RNF130: variants seen among roughly 807,000 people sequenced by gnomAD.
RNF130 encodes the protein ring finger protein 130.
Under a neutral mutation model 44.6 loss-of-function variants are expected in RNF130, and 21 were observed. The ratio of observed to expected loss-of-function variants is 0.47; its 90% CI spans 0.33 to 0.68. The LOEUF is 0.68. Ranked by LOEUF, RNF130 falls within the 30% of genes least tolerant of loss-of-function variation. The probability of loss-of-function intolerance (pLI) is 0.02; values close to 1 mark genes in which losing one functional copy is unlikely to be tolerated. For synonymous variants in RNF130, 214 were observed against 210.4 expected (o/e 1.02, Z -0.15); for missense variants, 479 against 560.6 (o/e 0.85, Z 1.47).
At chr5:179,947,924 A>G (rs368574536) in intron 7 of RNF130, among the ~76,000 whole-genome samples, 1 of 152,178 alleles carries the variant, frequency 6.6e-6, no homozygotes, top group East Asian at 1.9e-4. Flanking sequence ...GTGTTTGTGT[A>G]GCTCAGCCCT....
chr5:179,992,322 T>C (rs954456357), intron 3 of RNF130, among the ~76,000 whole-genome samples: 1 of 152,120 alleles, frequency 6.6e-6, no homozygotes, highest in Non-Finnish European at 1.5e-5. Flanking sequence ...TTTGTATTTT[T>C]AGTAGAGACG....
At chr5:180,043,746 A>C (rs558561115) in intron 1 of RNF130, among the ~76,000 whole-genome samples, 1 of 152,256 alleles carries the variant, frequency 6.6e-6, no homozygotes, top group Non-Finnish European at 1.5e-5. Context: ...ATCAAAACAA[A>C]TCCAACAACG....
At chr5:179,949,260 CCAGA>C (rs1330686236) in intron 7 of RNF130, among the ~76,000 whole-genome samples, 3 of 151,706 alleles carry the variant, frequency 2.0e-5, no homozygotes, top group East Asian at 3.9e-4. Context: ...GCCACCGTGC[CCAGA>C]CAATTTTTTT....
At chr5:179,932,663 C>T (rs1049296976) in intron 7 of RNF130, among the ~76,000 whole-genome samples, 11 of 151,962 alleles carry the variant, frequency 7.2e-5, no homozygotes, top group Admixed American at 6.5e-4. Flanking sequence ...CATGGTGAAA[C>T]CCTGTCTCTA....
intron 1 of RNF130, among the ~76,000 whole-genome samples, chr5:180,067,559 T>C (rs555027810): frequency 2.9e-4 from 44 of 151,998 alleles, no homozygotes; most frequent in African/African-American, 1.0e-3. Flanking sequence ...TATAGGCTAA[T>C]GGAAATCATC....
exon 8 of RNF130, chr5:179,918,366 C>T (rs1325098321): frequency 6.6e-6 from 1 of 152,154 alleles, no homozygotes; most frequent in Non-Finnish European, 1.5e-5. Flanking sequence ...TGGAATTTAA[C>T]GTATACACAT....
chr5:179,958,172 C>T (rs201745904), intron 8 of RNF130, among the ~76,000 whole-genome samples: 3 of 152,190 alleles, frequency 2.0e-5, no homozygotes, highest in East Asian at 1.9e-4. Context: ...CCACCGCGCC[C>T]GGCCAAATTC....
At chr5:180,008,217 C>T (rs971170876) in intron 3 of RNF130, among the ~76,000 whole-genome samples, 10 of 152,088 alleles carry the variant, frequency 6.6e-5, no homozygotes, top group African/African-American at 2.4e-4. Context: ...AGCCCAACTC[C>T]GCTAGCCAAA....
intron 2 of RNF130, among the ~76,000 whole-genome samples, chr5:180,029,015 A>G (rs1205227894): frequency 6.6e-6 from 1 of 152,212 alleles, no homozygotes; most frequent in African/African-American, 2.4e-5. Flanking sequence ...TCTTTTAGGT[A>G]GACGAGGATG....
At chr5:180,016,453 G>A (rs1408569365) in intron 2 of RNF130, among the ~76,000 whole-genome samples, 1 of 152,226 alleles carries the variant, frequency 6.6e-6, no homozygotes, top group Non-Finnish European at 1.5e-5. Flanking sequence ...AAGCACATTT[G>A]GGACATGCCC....
chr5:179,960,285 A>G (rs1762297638), intron 8 of RNF130, among the ~76,000 whole-genome samples: 1 of 152,196 alleles, frequency 6.6e-6, no homozygotes, highest in Non-Finnish European at 1.5e-5. Flanking sequence ...TTTGACTACC[A>G]TCCTGTTTAT....
intron 1 of RNF130, among the ~76,000 whole-genome samples, chr5:180,065,947 A>G (rs1289631724): frequency 1.3e-5 from 2 of 152,244 alleles, no homozygotes; most frequent in African/African-American, 2.4e-5. Flanking sequence ...GAAAAGATAA[A>G]AATTTTACAT....
chr5:180,063,030 G>C (rs977700436), intron 1 of RNF130, among the ~76,000 whole-genome samples: 2 of 152,146 alleles, frequency 1.3e-5, no homozygotes, highest in Non-Finnish European at 2.9e-5. Flanking sequence ...ATGACCTGGG[G>C]GTGGGGAGGA....
exon 8 of RNF130, chr5:179,918,904 G>A (rs1052653392): frequency 3.3e-5 from 5 of 152,302 alleles, no homozygotes; most frequent in Admixed American, 3.3e-4. Flanking sequence ...GACACTTTAG[G>A]AGAAGCTGCA....
At position 179,939,735 on chromosome 5, in the gene RNF130, A is replaced by G. The variant is rs907883287; in HGVS notation, c.1151-19309T>C. 3 of 452,888 alleles carry G rather than the reference A, an allele frequency of 6.6e-6. No individual in the cohort carries two copies. In the Admixed American group the frequency reaches 8.0e-5, roughly 12 times the overall value. 28.1% of individuals were successfully genotyped at this position (452,888 alleles called of 1,614,324 possible). A position where few individuals can be genotyped will look rare whatever the true frequency, so the allele number is the denominator to read the frequency against. On this transcript the variant is annotated intron_variant, in intron 7 of 7. Transcript: ENST00000522208. ...ACTTCCAAAAGACGGAAATCCACTG[A>G]AAGCGGAGAAAAACGACCCCCTCCC...
At chr5:179,925,253 G>A (rs957723977) in intron 7 of RNF130, among the ~76,000 whole-genome samples, 1 of 150,458 alleles carries the variant, frequency 6.6e-6, no homozygotes, top group African/African-American at 2.4e-5. Flanking sequence ...GGAGCGGAGA[G>A]GGGCTGAAAG....
intron 7 of RNF130, chr5:179,920,478 C>A: frequency 1.4e-6 from 1 of 691,396 alleles, no homozygotes; most frequent in South Asian, 1.5e-5. Context: ...GCTTGTGTTT[C>A]TCACATGGCT....
chr5:179,916,987 C>G (rs1374393425), exon 8 of RNF130: 2 of 152,284 alleles, frequency 1.3e-5, no homozygotes, highest in Non-Finnish European at 2.9e-5. Context: ...GTCAGGAGAT[C>G]GAGACCAGCC....
At chr5:180,018,883 C>T (rs1021812212) in intron 2 of RNF130, among the ~76,000 whole-genome samples, 6 of 152,170 alleles carry the variant, frequency 3.9e-5, no homozygotes, top group African/African-American at 9.7e-5. Context: ...GAGTAAACCC[C>T]GGGGCAAGCC....
Sources: allele counts gnomAD v4.1 joint callset (sites outside exome capture counted in the v4.1 genomes callset), GRCh38; gene constraint gnomAD v4.1.1; transcripts MANE v1.5; gene names NCBI Gene and HGNC (gene_info 2026-07-23, HGNC 2026-07-21).